Variants in RAD54L2 observed in about 807,000 individuals in gnomAD.
RAD54L2 encodes the protein helicase ARIP4.
A neutral mutation model predicts 138.4 loss-of-function variants in RAD54L2; 27 were observed. That is an observed-to-expected ratio of 0.20 (90% CI 0.14 to 0.27). The LOEUF is 0.27. RAD54L2 is among the 10% of genes least tolerant of loss of function. RAD54L2 has a pLI of 1.00. For synonymous variants in RAD54L2, 644 were observed against 723.2 expected, an observed-to-expected ratio of 0.89 and a Z score of 1.76; for missense variants, 1,396 against 1,890.2, an observed-to-expected ratio of 0.74 and a Z score of 4.85.
At position 51,662,937 on chromosome 3, in the gene RAD54L2, C is replaced by G. The variant is rs756662061; in HGVS notation, c.3921C>G (p.Thr1307=). ...PPVSLNHNLT[T]PFTSQAGENS... ...TCTCCTTAAACCATAACCTCACCACCCCCTTCACCTCCCAGGCTGGGGAGA... is the reference window on the plus strand; with the variant it reads ...TCTCCTTAAACCATAACCTCACCACGCCCTTCACCTCCCAGGCTGGGGAGA... Residue 1307 remains threonine (T), a synonymous_variant, in exon 23 of 23, where the codon ACC becomes ACG. Transcript: ENST00000684192. The surrounding 1 kb of genome is among the most constrained non-coding windows in gnomAD (Gnocchi z 4.6). 1 of 1,613,906 alleles carries G rather than the reference C, an allele frequency of 6.2e-7. No homozygotes were observed. Among genetic ancestry groups the G allele is most frequent in the Non-Finnish European group, 8.5e-7 (1 of 1,179,874 alleles).
At chr3:51,636,948 AG>A in intron 10 of RAD54L2, 1 of 577,678 alleles carries the variant, frequency 1.7e-6, no homozygotes, top group South Asian at 2.1e-5. Flanking sequence ...AGAAAAAAAA[AG>A]AGTCAACTGC....
At chr3:51,570,375 C>A (rs1318966264) in intron 2 of RAD54L2, among the ~76,000 whole-genome samples, 3 of 151,266 alleles carry the variant, frequency 2.0e-5, no homozygotes, top group Non-Finnish European at 4.4e-5. Flanking sequence ...AACTCCTGAC[C>A]TCTGGATCCA....
chr3:51,555,876 A>C (rs1320289419), intron 2 of RAD54L2, among the ~76,000 whole-genome samples: 1 of 152,178 alleles, frequency 6.6e-6, no homozygotes, highest in Non-Finnish European at 1.5e-5. Context: ...ATTAAAGTCA[A>C]ATGGTTGAAT....
At chr3:51,602,960 C>A (rs1700107965) in intron 3 of RAD54L2, among the ~76,000 whole-genome samples, 1 of 151,924 alleles carries the variant, frequency 6.6e-6, no homozygotes, top group African/African-American at 2.4e-5. Flanking sequence ...CCTCCAAGTA[C>A]CTAGGACTAC....
At chr3:51,650,520 G>C (rs1254924100) in intron 19 of RAD54L2, among the ~76,000 whole-genome samples, 1 of 152,158 alleles carries the variant, frequency 6.6e-6, no homozygotes, top group Non-Finnish European at 1.5e-5. Flanking sequence ...TTCCAAAATT[G>C]ACCACGTAGT....
chr3:51,546,361 C>T (rs1473766460), intron 2 of RAD54L2, among the ~76,000 whole-genome samples: 1 of 152,110 alleles, frequency 6.6e-6, no homozygotes, highest in Admixed American at 6.6e-5. Flanking sequence ...AAACTGAAGG[C>T]CAGGCACTGT....
chr3:51,658,076 C>T (rs1701654560), intron 21 of RAD54L2, among the ~76,000 whole-genome samples: 1 of 151,716 alleles, frequency 6.6e-6, no homozygotes, highest in Non-Finnish European at 1.5e-5. Context: ...AGGCATGCGC[C>T]ACCACGCACA....
intron 2 of RAD54L2, among the ~76,000 whole-genome samples, chr3:51,542,753 G>A (rs1307400530): frequency 1.3e-5 from 2 of 152,128 alleles, no homozygotes; most frequent in African/African-American, 4.8e-5. Context: ...GTGAGCCACC[G>A]CGCCTGGCCA....
chr3:51,554,505 C>T (rs1324820194), intron 2 of RAD54L2, among the ~76,000 whole-genome samples: 1 of 151,890 alleles, frequency 6.6e-6, no homozygotes, highest in Non-Finnish European at 1.5e-5. Flanking sequence ...GCCTGGGCAA[C>T]AAGAGTGAAA....
intron 2 of RAD54L2, among the ~76,000 whole-genome samples, chr3:51,585,554 A>T (rs968795277): frequency 6.6e-6 from 1 of 152,112 alleles, no homozygotes; most frequent in South Asian, 2.1e-4. Flanking sequence ...TGCATGATTA[A>T]TTCTGCTGAT....
rs752718881 is a variant in RAD54L2, at chr3:51,655,952, C to G, written c.3027-19C>G. The G allele has an allele frequency of 2.5e-6, 4 of 1,586,074 alleles. No homozygotes were observed. In the South Asian group the frequency reaches 4.5e-5, roughly 18 times the overall value. ...TTGTTCTGCCAAACTCTTTTAGTGTCCTTGTCTTTCTCTTACAGGCAGCCA... is the reference window on the plus strand; with the variant it reads ...TTGTTCTGCCAAACTCTTTTAGTGTGCTTGTCTTTCTCTTACAGGCAGCCA... On this transcript the variant is annotated intron_variant, in intron 19 of 22. Coordinates refer to ENST00000684192, the MANE Select transcript of RAD54L2 (RefSeq NM_015106.4).
chr3:51,601,129 C>T (rs969901807), intron 3 of RAD54L2, among the ~76,000 whole-genome samples: 2 of 151,844 alleles, frequency 1.3e-5, no homozygotes, highest in Admixed American at 6.6e-5. Flanking sequence ...GTTATGAACA[C>T]GATTTTTAAA....
At chr3:51,579,039 G>C (rs1388629133) in intron 2 of RAD54L2, among the ~76,000 whole-genome samples, 1 of 152,124 alleles carries the variant, frequency 6.6e-6, no homozygotes, top group East Asian at 1.9e-4. Flanking sequence ...TTCCCTGGCC[G>C]GACTCCTCTC....
At chr3:51,607,078 AT>A (rs1393623455) in intron 3 of RAD54L2, among the ~76,000 whole-genome samples, 3 of 137,174 alleles carry the variant, frequency 2.2e-5, no homozygotes, top group Non-Finnish European at 3.2e-5. Context: ...ATTTTTTTTT[AT>A]TTTTTTATTT....
At chr3:51,570,623 A>AT (rs1351502567) in intron 2 of RAD54L2, among the ~76,000 whole-genome samples, 1 of 150,140 alleles carries the variant, frequency 6.7e-6, no homozygotes. Flanking sequence ...CACCCAGCTA[A>AT]TTTTTGTATT....
intron 2 of RAD54L2, among the ~76,000 whole-genome samples, chr3:51,583,459 G>A (rs1335354154): frequency 2.1e-5 from 3 of 142,670 alleles, no homozygotes; most frequent in African/African-American, 7.7e-5. Context: ...CGCTCTTCTT[G>A]CCCAGACTAG....
At chr3:51,639,376 T>A in intron 12 of RAD54L2, 43 bp from the exon 13 acceptor site, 7 of 1,605,244 alleles carry the variant, frequency 4.4e-6, no homozygotes, top group Non-Finnish European at 6.0e-6. Context: ...ACCCTTGGAA[T>A]GTTTTTTGTC....
intron 3 of RAD54L2, among the ~76,000 whole-genome samples, chr3:51,595,014 G>A (rs940587620): frequency 4.0e-5 from 6 of 151,658 alleles, no homozygotes; most frequent in African/African-American, 7.3e-5. Context: ...ACAGGCACGC[G>A]CCACCACATC....
chr3:51,629,310 G>A (rs1408971630), intron 4 of RAD54L2, 24 bp from the exon 5 acceptor site: 1 of 1,570,056 alleles, frequency 6.4e-7, no homozygotes, highest in East Asian at 2.3e-5. Flanking sequence ...GAACCCAAGT[G>A]CTGTCTCTTA....
Sources: gnomAD v4.1 joint callset for allele counts (sites outside exome capture counted in the v4.1 genomes callset) on GRCh38, gnomAD v4.1.1 for gene constraint, Gnocchi (gnomAD v3.1) non-coding constraint, MANE v1.5 for transcripts, NCBI Gene and HGNC (gene_info 2026-07-23, HGNC 2026-07-21) for gene names.